Variants in CTNNA2 observed in about 807,000 individuals in gnomAD.
The protein encoded by CTNNA2 is catenin alpha 2.
Under a neutral mutation model 101.0 loss-of-function variants are expected in CTNNA2, and 42 were observed. That is an observed-to-expected ratio of 0.42 (90% CI 0.32 to 0.54). The LOEUF is 0.54. Among genes scored for constraint, CTNNA2 ranks in the 20% least tolerant of loss-of-function variants. The pLI is 0.14. For missense variants in CTNNA2, 871 were observed against 1,223.1 expected, an observed-to-expected ratio of 0.71 and a Z score of 4.29; for synonymous variants, 450 against 456.4, an observed-to-expected ratio of 0.99 and a Z score of 0.18.
At chr2:80,402,739 TA>T (rs1678671021) in intron 8 of CTNNA2, among the ~76,000 whole-genome samples, 2 of 148,516 alleles carry the variant, frequency 1.3e-5, no homozygotes, top group South Asian at 2.1e-4. Flanking sequence ...CAAATTTATA[TA>T]TTTCTATATT....
At chr2:80,191,893 T>G (rs908716413) in intron 7 of CTNNA2, among the ~76,000 whole-genome samples, 4 of 152,164 alleles carry the variant, frequency 2.6e-5, no homozygotes, top group Non-Finnish European at 4.4e-5. Context: ...ATGGACATCT[T>G]TTACTTCTCC....
At chr2:79,896,930 A>G (rs1684754265) in intron 6 of CTNNA2, among the ~76,000 whole-genome samples, 1 of 152,194 alleles carries the variant, frequency 6.6e-6, no homozygotes, top group African/African-American at 2.4e-5. Context: ...CCACTTTGGC[A>G]GGAGCCGGGG....
At chr2:79,971,649 A>G (rs1690493101) in intron 7 of CTNNA2, among the ~76,000 whole-genome samples, 1 of 152,202 alleles carries the variant, frequency 6.6e-6, no homozygotes. Flanking sequence ...ATTTGAACTC[A>G]GGTTTGGTTG....
chr2:79,308,132 C>T (rs1676288452), intron 2 of CTNNA2, among the ~76,000 whole-genome samples: 1 of 152,154 alleles, frequency 6.6e-6, no homozygotes, highest in African/African-American at 2.4e-5. Flanking sequence ...GCAAGCTCAG[C>T]TTCCCAGGTT....
At chr2:80,433,945 C>T (rs1681784763) in intron 9 of CTNNA2, among the ~76,000 whole-genome samples, 1 of 152,192 alleles carries the variant, frequency 6.6e-6, no homozygotes, top group South Asian at 2.1e-4. Context: ...AATTACTTTT[C>T]TCAAGATGAA....
chr2:79,994,425 T>G (rs73938498), intron 7 of CTNNA2, among the ~76,000 whole-genome samples: 26,402 of 152,040 alleles, frequency 0.17, 2,562 homozygotes, highest in East Asian at 0.3. Flanking sequence ...ATAGACATTC[T>G]TGTACACCCT....
At chr2:80,144,516 C>G (rs1703211525) in intron 7 of CTNNA2, among the ~76,000 whole-genome samples, 1 of 152,180 alleles carries the variant, frequency 6.6e-6, no homozygotes, top group African/African-American at 2.4e-5. Context: ...GCTCACCAGT[C>G]ACTTCTTCCT....
intron 3 of CTNNA2, among the ~76,000 whole-genome samples, chr2:79,329,645 C>T (rs771471931): frequency 1.2e-4 from 18 of 152,214 alleles, no homozygotes; most frequent in East Asian, 1.2e-3. Flanking sequence ...GCTATCCTCA[C>T]GAATTCCAGG....
At chr2:80,103,700 G>A (rs1004501938) in intron 7 of CTNNA2, among the ~76,000 whole-genome samples, 5 of 152,168 alleles carry the variant, frequency 3.3e-5, no homozygotes, top group Non-Finnish European at 7.4e-5. Flanking sequence ...AGTGTTGTCT[G>A]TAACCCTAGG....
At chr2:80,623,733 A>G (rs1308061910) in intron 18 of CTNNA2, among the ~76,000 whole-genome samples, 1 of 151,858 alleles carries the variant, frequency 6.6e-6, no homozygotes, top group East Asian at 1.9e-4. Context: ...GGAGTCTGTA[A>G]TTAACTACCC....
intron 2 of CTNNA2, among the ~76,000 whole-genome samples, chr2:79,216,024 C>T (rs1484924099): frequency 6.6e-6 from 1 of 151,950 alleles, no homozygotes; most frequent in Non-Finnish European, 1.5e-5. Context: ...GAACAGAGAC[C>T]AGGGAGGGAC....
chr2:79,937,944 C>T (rs1389886536), intron 7 of CTNNA2, among the ~76,000 whole-genome samples: 1 of 152,134 alleles, frequency 6.6e-6, no homozygotes, highest in Admixed American at 6.5e-5. Flanking sequence ...TTCTATTGAC[C>T]TTTTAGAGGG....
chr2:79,494,879 G>A (rs1671239168), intron 4 of CTNNA2, among the ~76,000 whole-genome samples: 1 of 152,080 alleles, frequency 6.6e-6, no homozygotes, highest in Admixed American at 6.6e-5. Flanking sequence ...GGGAGGCCAA[G>A]GCGGGCGGAT....
intron 3 of CTNNA2, among the ~76,000 whole-genome samples, chr2:79,345,592 A>C (rs1381106830): frequency 6.6e-6 from 1 of 152,168 alleles, no homozygotes; most frequent in African/African-American, 2.4e-5. Flanking sequence ...GTAAAGCATA[A>C]ATATCTGACA....
chr2:80,130,990 T>C (rs1019245691), intron 7 of CTNNA2, among the ~76,000 whole-genome samples: 1 of 151,956 alleles, frequency 6.6e-6, no homozygotes, highest in African/African-American at 2.4e-5. Flanking sequence ...GAAGAATTGA[T>C]AAAATCCAAA....
At chr2:80,035,785 T>C (rs750612717) in intron 7 of CTNNA2, among the ~76,000 whole-genome samples, 1 of 152,194 alleles carries the variant, frequency 6.6e-6, no homozygotes. Context: ...CTGTATCGAA[T>C]CATCAGTCAC....
intron 2 of CTNNA2, among the ~76,000 whole-genome samples, chr2:79,290,664 G>T (rs1221154260): frequency 6.6e-6 from 1 of 152,102 alleles, no homozygotes; most frequent in African/African-American, 2.4e-5. Context: ...CAGCAGGCCG[G>T]CAGGCCATCA....
chr2:80,163,457 GT>G (rs1180045097), intron 7 of CTNNA2, among the ~76,000 whole-genome samples: 3 of 152,072 alleles, frequency 2.0e-5, no homozygotes, highest in Non-Finnish European at 4.4e-5. Flanking sequence ...TTTTATTGTG[GT>G]CAGAGAACAC....
At chr2:80,590,488 G>A (rs960985473) in intron 15 of CTNNA2, among the ~76,000 whole-genome samples, 13 of 151,928 alleles carry the variant, frequency 8.6e-5, no homozygotes, top group Non-Finnish European at 1.8e-4. Context: ...ATTTAACGTG[G>A]CATTTGTTAT....
Sources: allele counts gnomAD v4.1 joint callset (sites outside exome capture counted in the v4.1 genomes callset), GRCh38; gene constraint gnomAD v4.1.1; transcripts MANE v1.5; gene names NCBI Gene and HGNC (gene_info 2026-07-23, HGNC 2026-07-21).